The following PRKN variants were observed in gnomAD, a reference collection of about 807,000 sequenced individuals.
PRKN encodes the protein E3 ubiquitin-protein ligase parkin.
A neutral mutation model predicts 59.5 loss-of-function variants in PRKN; 56 were observed. The observed-to-expected ratio is 0.94, with a 90% CI of 0.76 to 1.18. PRKN has a LOEUF of 1.18. Ranked by LOEUF, PRKN falls within the 50% of genes most tolerant of loss-of-function variation. The pLI is 0.00. For synonymous variants in PRKN, 250 were observed against 222.1 expected (o/e 1.13, Z -1.12); for missense variants, 657 against 596.4 (o/e 1.10, Z -1.06).
intron 9 of PRKN, among the ~76,000 whole-genome samples, chr6:161,450,795 TCTGC>T (rs1410907975): frequency 6.6e-6 from 1 of 152,212 alleles, no homozygotes; most frequent in East Asian, 1.9e-4. Flanking sequence ...GACCTCGTGA[TCTGC>T]CCACCCTGGC....
intron 8 of PRKN, among the ~76,000 whole-genome samples, chr6:161,567,436 G>T (rs537873096): frequency 2.0e-5 from 3 of 152,000 alleles, no homozygotes; most frequent in African/African-American, 4.8e-5. Flanking sequence ...ATATAATATG[G>T]TTTTCTCTAA....
chr6:162,188,097 A>G (rs1784106760), intron 4 of PRKN, among the ~76,000 whole-genome samples: 1 of 152,112 alleles, frequency 6.6e-6, no homozygotes, highest in South Asian at 2.1e-4. Flanking sequence ...GCCTGCCACC[A>G]TCCATGTAAG....
intron 6 of PRKN, among the ~76,000 whole-genome samples, chr6:161,865,795 G>C (rs757889108): frequency 7.2e-5 from 11 of 152,166 alleles, no homozygotes; most frequent in Non-Finnish European, 1.6e-4. Context: ...CAGCGATAAG[G>C]CTGTTTCACT....
At chr6:161,569,506 G>T in intron 7 of PRKN, 90 bp from the exon 8 acceptor site, 1 of 1,128,460 alleles carries the variant, frequency 8.9e-7, no homozygotes, top group Non-Finnish European at 1.3e-6. Context: ...TCAACTGCCA[G>T]TGTTGCCTTT....
chr6:162,025,054 C>T lies in PRKN; in HGVS notation c.618+29037G>A, dbSNP rs563053976. 6.9e-3 allele frequency among the ~76,000 whole-genome samples: 935 copies of T among 136,314 alleles called. 7 individuals are homozygous for T. Among genetic ancestry groups the T allele is most frequent in the Middle Eastern group, 0.02 (4 of 200 alleles). 89.4% of individuals were successfully genotyped at this position (136,314 alleles called of 152,430 possible). ...TTTTTGAGACGGAGTCTCGCTCTGTCGCCCAGCCTGGAGTGCAGTGGCGCA... is the reference window on the plus strand; with the variant it reads ...TTTTTGAGACGGAGTCTCGCTCTGTTGCCCAGCCTGGAGTGCAGTGGCGCA... On this transcript the variant is annotated intron_variant, in intron 5 of 11. Transcript: ENST00000366898.
At chr6:162,339,565 G>A (rs1784064075) in intron 2 of PRKN, among the ~76,000 whole-genome samples, 1 of 149,888 alleles carries the variant, frequency 6.7e-6, no homozygotes, top group East Asian at 2.0e-4. Context: ...GAGGTGAGGG[G>A]CGCCTCTGCC....
intron 4 of PRKN, among the ~76,000 whole-genome samples, chr6:162,195,623 C>T (rs1029527752): frequency 3.3e-5 from 5 of 152,190 alleles, no homozygotes; most frequent in Non-Finnish European, 7.3e-5. Flanking sequence ...TAATGCTATT[C>T]CATGGCAGAG....
At chr6:162,318,823 A>C (rs1782862858) in intron 2 of PRKN, among the ~76,000 whole-genome samples, 2 of 152,088 alleles carry the variant, frequency 1.3e-5, no homozygotes, top group Admixed American at 6.6e-5. Context: ...ACGAATTGAA[A>C]AAACACAAAC....
intron 2 of PRKN, among the ~76,000 whole-genome samples, chr6:162,348,021 A>G (rs1784476460): frequency 6.6e-6 from 1 of 152,190 alleles, no homozygotes; most frequent in South Asian, 2.1e-4. Context: ...TATTGGTGAG[A>G]GGTGCTCAGA....
rs750574000 is a variant in PRKN at position 162,058,507 on chromosome 6, G to A, written c.535-4333C>T. 1.3e-3 allele frequency among the ~76,000 whole-genome samples: 191 copies of A among 152,306 alleles called. 1 individual carries two copies. Among genetic ancestry groups the A allele is most frequent in the Non-Finnish European group, 1.1e-3 (72 of 68,026 alleles). ...TGAACCACACTGTGCTTGAGGCACC[G>A]AAAAGTCCCTGCGTTTAAAAGAAAT... On this transcript the variant is annotated intron_variant, in intron 4 of 11. Coordinates refer to ENST00000366898, the MANE Select transcript of PRKN (RefSeq NM_004562.3).
At chr6:161,735,968 C>G (rs540056100) in intron 7 of PRKN, among the ~76,000 whole-genome samples, 7 of 152,230 alleles carry the variant, frequency 4.6e-5, no homozygotes, top group African/African-American at 1.7e-4. Flanking sequence ...CATCCTTCTT[C>G]TTAAAAAATT....
In PRKN at chr6:161,447,388, T is replaced by G. The variant is rs916228640; in HGVS notation, c.1084-60511A>C. Among the ~76,000 whole-genome samples, 3 of 152,234 alleles carry G rather than the reference T, an allele frequency of 2.0e-5. No homozygotes were observed. The highest frequency in any genetic ancestry group is 7.2e-5 in the African/African-American group (3 of 41,454). ...ATTAGAAATGAATTTACATTTTGAT[T>G]TAGTTATAAATAACTTTTCTTCTGT... On this transcript the variant is annotated intron_variant, in intron 9 of 11. Transcript: ENST00000366898. This position sits in a 1 kb window ranked among gnomAD's most constrained non-coding sequence, Gnocchi z 4.1.
Position 162,727,657 on chromosome 6 carries a change from C to T in PRKN, c.7+5G>A, listed in dbSNP as rs1204087943. The T allele has an allele frequency of 1.9e-6, 3 of 1,584,678 alleles. No homozygotes were observed. Among genetic ancestry groups the T allele is most frequent in the Non-Finnish European group, 2.6e-6 (3 of 1,165,980 alleles). On this transcript the variant is annotated splice_donor_5th_base_variant and intron_variant, in intron 1 of 11. Transcript: ENST00000366898. ...AGAGGCTGTACCTGGCAGGTACCCA[C>T]GTACCTATCATGGTCACTGGGTAGG...
At position 161,549,810 on chromosome 6, in the gene PRKN, A is replaced by C. The variant is rs1779934359; in HGVS notation, c.934-807T>G. The stretch of plus-strand genomic sequence containing the variant: ...ATTAAATAATGCAACATTTATTGAG[A>C]GCCTACTACATTCCAGACTCTATCG... On this transcript the variant is annotated intron_variant, in intron 8 of 11. Coordinates refer to ENST00000366898, the MANE Select transcript of PRKN (RefSeq NM_004562.3). The surrounding 1 kb of genome is among the most constrained non-coding windows in gnomAD (Gnocchi z 6.0). 6.6e-6 allele frequency among the ~76,000 whole-genome samples: 1 copy of C among 152,218 alleles called. No homozygotes were observed. The highest frequency in any genetic ancestry group is 6.5e-5 in the Admixed American group (1 of 15,284).
rs148481879 is a variant in PRKN, at chr6:161,773,460, T to C, written c.871+12312A>G. Among the ~76,000 whole-genome samples the C allele has an allele frequency of 3.4e-3, 512 of 152,224 alleles. 4 individuals are homozygous for C. The highest frequency in any genetic ancestry group is 0.012 in the African/African-American group (484 of 41,544). On this transcript the variant is annotated intron_variant, in intron 7 of 11. Coordinates refer to ENST00000366898, the MANE Select transcript of PRKN (RefSeq NM_004562.3). ...TTTATCTATCTATCATCTATCTATC[T>C]ATTATCAATCAATCAACCCATCCAT...
At position 161,529,526 on chromosome 6, in the gene PRKN, A is replaced by G. The variant is rs1326059171; in HGVS notation, c.1083+19328T>C. Among the ~76,000 whole-genome samples the G allele has an allele frequency of 6.6e-6, 1 of 152,224 alleles. No individual in the cohort carries two copies. The highest frequency in any genetic ancestry group is 2.4e-5 in the African/African-American group (1 of 41,468). ...ACTTATGATCTCACAGCAATGGGAC[A>G]GAGAAATGGCTGGTTTCTCTTCAAA... On this transcript the variant is annotated intron_variant, in intron 9 of 11. Transcript: ENST00000366898. This position sits in a 1 kb window ranked among gnomAD's most constrained non-coding sequence, Gnocchi z 4.4.
chr6:162,485,471 A>G (rs920402409), intron 1 of PRKN, among the ~76,000 whole-genome samples: 4 of 152,214 alleles, frequency 2.6e-5, no homozygotes, highest in African/African-American at 9.6e-5. Flanking sequence ...CTTTGAGGTC[A>G]GAAGTAGACT....
chr6:161,832,439 C>T (rs1316911269), intron 6 of PRKN, among the ~76,000 whole-genome samples: 1 of 151,846 alleles, frequency 6.6e-6, no homozygotes, highest in East Asian at 1.9e-4. Flanking sequence ...TCCTGGCCAA[C>T]ATGGTGAAAC....
intron 2 of PRKN, among the ~76,000 whole-genome samples, chr6:162,349,219 G>C (rs1784525839): frequency 6.7e-6 from 1 of 149,716 alleles, no homozygotes; most frequent in Non-Finnish European, 1.5e-5. Flanking sequence ...TGTAATCCTA[G>C]CACTTTGTGA....
Sources: allele counts gnomAD v4.1 joint callset (sites outside exome capture counted in the v4.1 genomes callset), GRCh38; gene constraint gnomAD v4.1.1; non-coding constraint Gnocchi (gnomAD v3.1); transcripts MANE v1.5; gene names NCBI Gene and HGNC (gene_info 2026-07-23, HGNC 2026-07-21).